Variants in DCC observed in about 807,000 individuals in gnomAD.
DCC encodes the protein netrin receptor DCC.
A neutral mutation model predicts 172.5 loss-of-function variants in DCC; 58 were observed. The observed-to-expected ratio is 0.34, with a 90% confidence interval of 0.27 to 0.42. The LOEUF is 0.42. Ranked by LOEUF, DCC falls within the 10% of genes least tolerant of loss-of-function variation. The pLI, the probability that DCC is intolerant of heterozygous loss-of-function variation, is 1.00. For missense variants in DCC, 1,740 were observed against 1,791.0 expected (o/e 0.97, Z 0.51); for synonymous variants, 709 against 644.5 (o/e 1.10, Z -1.52).
chr18:52,827,457 T>C (rs969253325), intron 2 of DCC, among the ~76,000 whole-genome samples: 2 of 152,264 alleles, frequency 1.3e-5, no homozygotes, highest in African/African-American at 2.4e-5. Flanking sequence ...GCAACTTCTC[T>C]AGAGTCTTGT....
At chr18:53,240,419 A>G (rs998620213) in intron 12 of DCC, among the ~76,000 whole-genome samples, 4 of 152,174 alleles carry the variant, frequency 2.6e-5, no homozygotes, top group Admixed American at 2.0e-4. Flanking sequence ...AATTTTATAT[A>G]TGAAAAGCAG....
intron 1 of DCC, among the ~76,000 whole-genome samples, chr18:52,744,889 GGATGAA>G (rs2036883589): frequency 5.3e-5 from 8 of 152,280 alleles, no homozygotes; most frequent in African/African-American, 1.9e-4. Context: ...AAAGAATACT[GGATGAA>G]CCCAAACTTC....
chr18:53,526,200 T>C (rs1170591409), intron 27 of DCC, among the ~76,000 whole-genome samples: 2 of 152,196 alleles, frequency 1.3e-5, no homozygotes, highest in Non-Finnish European at 2.9e-5. Flanking sequence ...CAACCATCTC[T>C]TCTAACTCTG....
At chr18:53,337,450 C>T (rs2057604461) in intron 14 of DCC, among the ~76,000 whole-genome samples, 1 of 152,178 alleles carries the variant, frequency 6.6e-6, no homozygotes, top group South Asian at 2.1e-4. Flanking sequence ...TTAATCCATC[C>T]TTTTCATCTC....
chr18:52,989,801 C>T (rs1238339335), intron 5 of DCC, among the ~76,000 whole-genome samples: 1 of 152,108 alleles, frequency 6.6e-6, no homozygotes, highest in East Asian at 1.9e-4. Flanking sequence ...ATTCTGACTG[C>T]TACTAGGACT....
At chr18:52,666,283 G>A (rs1379624274) in intron 1 of DCC, among the ~76,000 whole-genome samples, 1 of 151,974 alleles carries the variant, frequency 6.6e-6, no homozygotes, top group Non-Finnish European at 1.5e-5. Flanking sequence ...GACAGAGTGA[G>A]ACTCCGTTAC....
chr18:53,316,169 T>C (rs2057341577), intron 13 of DCC, among the ~76,000 whole-genome samples: 1 of 152,232 alleles, frequency 6.6e-6, no homozygotes, highest in African/African-American at 2.4e-5. Flanking sequence ...GTTTTTTGCA[T>C]ATGGCTAGCC....
At chr18:53,393,971 A>G (rs1908751112) in intron 17 of DCC, among the ~76,000 whole-genome samples, 1 of 151,858 alleles carries the variant, frequency 6.6e-6, no homozygotes, top group Non-Finnish European at 1.5e-5. Context: ...GGAGGGTTAG[A>G]GAAAACTAGA....
At chr18:52,515,217 G>A (rs865952629) in intron 1 of DCC, among the ~76,000 whole-genome samples, 9 of 152,236 alleles carry the variant, frequency 5.9e-5, no homozygotes, top group Middle Eastern at 6.8e-3. Context: ...TCAACAAAGG[G>A]TGCTAGAGAG....
intron 26 of DCC, among the ~76,000 whole-genome samples, chr18:53,492,120 G>C (rs2045965762): frequency 6.6e-6 from 1 of 152,118 alleles, no homozygotes; most frequent in Non-Finnish European, 1.5e-5. Flanking sequence ...CTTTTGAGAA[G>C]TGTCTGTTCA....
chr18:52,431,130 G>C (rs568410775), intron 1 of DCC, among the ~76,000 whole-genome samples: 18 of 152,048 alleles, frequency 1.2e-4, no homozygotes, highest in African/African-American at 4.3e-4. Context: ...CAGAGAACTT[G>C]TTAGAAATGT....
rs373376166 is a variant in DCC, at chr18:52,688,040, C to T, written c.92-64014C>T. Among the ~76,000 whole-genome samples the T allele has an allele frequency of 5.3e-5, 8 of 152,124 alleles. No individual in the cohort carries two copies. In the East Asian group the frequency reaches 7.7e-4, roughly 15 times the overall value. The stretch of plus-strand genomic sequence containing the variant: ...TAAGGAAACCATGGGTCTAAATTGC[C>T]CACTATTTCCTTTAGTGCACTGTTA... On this transcript the variant is annotated intron_variant, in intron 1 of 28. Transcript: ENST00000442544.
intron 5 of DCC, among the ~76,000 whole-genome samples, chr18:53,018,959 A>G (rs1163051457): frequency 6.6e-6 from 1 of 152,162 alleles, no homozygotes; most frequent in African/African-American, 2.4e-5. Context: ...TAAGAGCATT[A>G]AAACACTAGA....
intron 5 of DCC, among the ~76,000 whole-genome samples, chr18:52,997,927 T>C (rs73956755): frequency 0.046 from 6,991 of 152,092 alleles, 254 homozygotes; most frequent in African/African-American, 0.095. Context: ...AGCAACTCTC[T>C]GTAACCTCAG....
chr18:53,177,739 T>A (rs1384699688), intron 8 of DCC, among the ~76,000 whole-genome samples: 1 of 152,046 alleles, frequency 6.6e-6, no homozygotes, highest in Non-Finnish European at 1.5e-5. Context: ...ACACTCAACC[T>A]CTTGATGAGA....
chr18:52,648,990 A>G lies in DCC; in HGVS notation c.92-103064A>G, dbSNP rs376036660. ...GCAATCCCCCTTCCCCCATGCAGAA[A>G]AATGCACATTTCTATTTCTACAACA... On this transcript the variant is annotated intron_variant, in intron 1 of 28. Coordinates refer to ENST00000442544, the MANE Select transcript of DCC (RefSeq NM_005215.4). 2.2e-4 allele frequency among the ~76,000 whole-genome samples: 34 copies of G among 152,296 alleles called. 1 individual carries two copies. The South Asian group carries it at 7.1e-3, about 32-fold the overall frequency.
At chr18:53,489,166 A>G (rs756350414) in intron 26 of DCC, among the ~76,000 whole-genome samples, 13 of 152,210 alleles carry the variant, frequency 8.5e-5, no homozygotes, top group Admixed American at 2.0e-4. Flanking sequence ...TTATACGACA[A>G]AATGCTTAGT....
intron 1 of DCC, among the ~76,000 whole-genome samples, chr18:52,651,616 A>C (rs976836668): frequency 4.0e-5 from 6 of 151,580 alleles, no homozygotes; most frequent in African/African-American, 1.5e-4. Flanking sequence ...CATATTATAT[A>C]GTATGTTATT....
intron 14 of DCC, among the ~76,000 whole-genome samples, chr18:53,331,294 G>A (rs1330839970): frequency 6.6e-6 from 1 of 152,158 alleles, no homozygotes; most frequent in African/African-American, 2.4e-5. Context: ...CAAGGAAAAT[G>A]AGCCTAAAGA....
Sources: allele counts gnomAD v4.1 joint callset (sites outside exome capture counted in the v4.1 genomes callset), GRCh38; gene constraint gnomAD v4.1.1; transcripts MANE v1.5; gene names NCBI Gene and HGNC (gene_info 2026-07-23, HGNC 2026-07-21).